Variants in NPAS4 observed in about 807,000 individuals in gnomAD.
The protein encoded by NPAS4 is neuronal PAS domain protein 4.
Under a neutral mutation model 64.0 loss-of-function variants are expected in NPAS4, and 10 were observed. That is an observed-to-expected ratio of 0.16 (90% CI 0.10 to 0.26). The LOEUF (loss-of-function observed/expected upper bound fraction) is 0.26. Ranked by LOEUF, NPAS4 falls within the 10% of genes least tolerant of loss-of-function variation. The pLI is 1.00. For missense variants in NPAS4, 886 were observed against 992.6 expected, an observed-to-expected ratio of 0.89 and a Z score of 1.44; for synonymous variants, 441 against 411.7, an observed-to-expected ratio of 1.07 and a Z score of -0.86.
At chr11:66,422,404 C>T (rs757556367) in intron 2 of NPAS4, 47 bp from the exon 3 acceptor site, 4 of 1,503,968 alleles carry the variant, frequency 2.7e-6, no homozygotes, top group South Asian at 1.1e-5. Flanking sequence ...CAAAGATTGG[C>T]TCCTGCTGTT....
upstream of NPAS4, among the ~76,000 whole-genome samples, chr11:66,418,785 T>C (rs1856697277): frequency 6.6e-6 from 1 of 151,926 alleles, no homozygotes; most frequent in Non-Finnish European, 1.5e-5. Flanking sequence ...AGTCAAAGAG[T>C]AGGCTCACTC....
intron 1 of NPAS4, 99 bp downstream of exon 1, chr11:66,421,453 G>A (rs529777887): frequency 2.1e-5 from 23 of 1,083,432 alleles, no homozygotes; most frequent in Non-Finnish European, 3.2e-5. Context: ...AGGGCAGCGT[G>A]CTGGCGAGCT....
chr11:66,421,350 T>A lies in NPAS4; in HGVS notation c.171T>A (p.Ala57=). The A allele has an allele frequency of 1.2e-6, 2 of 1,613,894 alleles. No individual in the cohort carries two copies. The highest frequency in any genetic ancestry group is 1.7e-6 in the Non-Finnish European group (2 of 1,179,810). Residue 57 remains alanine (A), a synonymous_variant, in exon 1 of 8, where the codon GCT becomes GCA. Transcript: ENST00000311034. ...ACACTCGCAAGGGCGTCTTCTTCGC[T>A]GGTGGTGAGCATGCTGGGGCTACCG... ...CIYTRKGVFF[A]GGTPLAGPTG...
Position 66,424,309 on chromosome 11 carries a change from C to G in NPAS4, c.1419C>G (p.Ser473Arg). The change falls in exon 7 of 8, where the codon AGC (serine) becomes AGG (arginine). Residue 473 changes from serine to arginine, a missense_variant. Ser to Arg is a moderately radical substitution (Grantham distance 110). Transcript: ENST00000311034. ...TATFSDQLTPSSATFPDPLTS... is the reference protein window; with the variant it reads ...TATFSDQLTPRSATFPDPLTS... ...CCTTCTCTGATCAGTTGACGCCCAG[C>G]AGTGCAACCTTCCCAGATCCACTAA... 6.2e-7 allele frequency: 1 copy of G among 1,614,198 alleles called. No homozygotes were observed. Among genetic ancestry groups the G allele is most frequent in the Non-Finnish European group, 8.5e-7 (1 of 1,180,030 alleles).
At chr11:66,411,187 C>G in the NPAS4 span, among the ~76,000 whole-genome samples, 1 of 152,230 alleles carries the variant, frequency 6.6e-6, no homozygotes, top group African/African-American at 2.4e-5. Context: ...TGGGCTCATC[C>G]CTACCTGAAA....
the NPAS4 span, among the ~76,000 whole-genome samples, chr11:66,415,484 G>A: frequency 6.6e-6 from 1 of 152,200 alleles, no homozygotes; most frequent in East Asian, 1.9e-4. Context: ...TTAGTAAAAA[G>A]TGTCAAAAAG....
Position 66,422,844 on chromosome 11 carries a change from C to T in NPAS4, c.601C>T (p.Pro201Ser). The change falls in exon 4 of 8, where the codon CCA (proline) becomes TCA (serine). Residue 201 changes from proline to serine, a missense_variant. Pro to Ser is a moderately conservative substitution (Grantham distance 74). This residue lies in a region of NPAS4 where 820 missense variants were observed against 855.5 expected (regional missense o/e 0.96). Transcript: ENST00000311034. ...FCAPLEPRPRPGPGPGPGPAS... is the reference protein window; with the variant it reads ...FCAPLEPRPRSGPGPGPGPAS... Reference sequence around the variant, plus strand: ...TGCCCCTCTGGAGCCGAGACCCCGCCCAGGTCCTGGCCCTGGCCCTGGCCC... The same window carrying T: ...TGCCCCTCTGGAGCCGAGACCCCGCTCAGGTCCTGGCCCTGGCCCTGGCCC... 1 of 1,613,866 alleles carries T rather than the reference C, an allele frequency of 6.2e-7. No individual in the cohort carries two copies. The highest frequency in any genetic ancestry group is 1.1e-5 in the South Asian group (1 of 91,090).
chr11:66,417,539 C>G (rs1444464806), upstream of NPAS4, among the ~76,000 whole-genome samples: 2 of 151,872 alleles, frequency 1.3e-5, no homozygotes, highest in Non-Finnish European at 2.9e-5. Flanking sequence ...GGTTAGGGGG[C>G]CTTTGGAAAG....
rs541874544 is a variant in NPAS4 at position 66,425,219 on chromosome 11, A to G, written c.2329A>G (p.Thr777Ala). 1 of 1,537,940 alleles carries G rather than the reference A, an allele frequency of 6.5e-7. No homozygotes were observed. The highest frequency in any genetic ancestry group is 1.4e-5 in the African/African-American group (1 of 71,974). ...CTCAGCATTCCCCTATGATGGGTTT[A>G]CTGATGAGTTGCATCAACTCCAGAG... ...GVSAFPYDGF[T>A]DELHQLQSQV... Residue 777 changes from threonine (T) to alanine (A), a missense_variant, in exon 7 of 8, where the codon ACT (threonine) becomes GCT (alanine). This residue lies in a region of NPAS4 where 28 missense variants were observed against 57.0 expected (regional missense o/e 0.49). Coordinates refer to ENST00000311034, the MANE Select transcript of NPAS4 (RefSeq NM_178864.4).
chr11:66,420,814 C>G (rs1263012745), upstream of NPAS4, among the ~76,000 whole-genome samples: 1 of 152,204 alleles, frequency 6.6e-6, no homozygotes, highest in African/African-American at 2.4e-5. Context: ...TTGGCCCCCT[C>G]CGCAGCCTCC....
intron 1 of NPAS4, 63 bp downstream of exon 1, chr11:66,421,417 G>C: frequency 1.3e-6 from 2 of 1,499,954 alleles, no homozygotes; most frequent in Non-Finnish European, 1.8e-6. Flanking sequence ...GGAGCTGAGG[G>C]AACCCGCTGG....
the NPAS4 span, among the ~76,000 whole-genome samples, chr11:66,413,858 G>A: frequency 6.6e-6 from 1 of 152,198 alleles, no homozygotes; most frequent in South Asian, 2.1e-4. Context: ...TGAAGTGGCT[G>A]GATGGACCCC....
chr11:66,423,017 C>A lies in NPAS4; in HGVS notation c.698+76C>A, dbSNP rs1856773234. 6.5e-6 allele frequency: 10 copies of A among 1,547,172 alleles called. No homozygotes were observed. In the South Asian group the frequency reaches 1.2e-4, roughly 18 times the overall value. On this transcript the variant is annotated intron_variant, in intron 4 of 7. Coordinates refer to ENST00000311034, the MANE Select transcript of NPAS4 (RefSeq NM_178864.4). ...GGACCCTAGATTCTGGAGTCAGGGGCAGGGAGGATGGGGTTTAGGGGGGCA... is the reference window on the plus strand; with the variant it reads ...GGACCCTAGATTCTGGAGTCAGGGGAAGGGAGGATGGGGTTTAGGGGGGCA...
chr11:66,420,882 G>C, upstream of NPAS4: 1 of 366,940 alleles, frequency 2.7e-6, no homozygotes, highest in East Asian at 5.0e-5. Flanking sequence ...GATGACGTCG[G>C]AAGCCGGGCG....
chr11:66,422,895 C>G lies in NPAS4; in HGVS notation c.652C>G (p.Gln218Glu), dbSNP rs747971355. 5.6e-6 allele frequency: 9 copies of G among 1,609,532 alleles called. No homozygotes were observed. The highest frequency in any genetic ancestry group is 7.6e-6 in the Non-Finnish European group (9 of 1,180,024). The change falls in exon 4 of 8, where the codon CAG (glutamine) becomes GAG (glutamate). Residue 218 changes from glutamine to glutamate, a missense_variant. Gln to Glu is a conservative substitution (Grantham distance 29). This residue lies in a region of NPAS4 where 820 missense variants were observed against 855.5 expected (regional missense o/e 0.96). Coordinates refer to ENST00000311034, the MANE Select transcript of NPAS4 (RefSeq NM_178864.4). ...TGCCTCGCTCTTCCTGGCCATGTTCCAGAGCCGCCATGCTAAAGACCTGGC... is the reference window on the plus strand; with the variant it reads ...TGCCTCGCTCTTCCTGGCCATGTTCGAGAGCCGCCATGCTAAAGACCTGGC... ...GPASLFLAMF[Q>E]SRHAKDLALL...
intron 4 of NPAS4, 42 bp downstream of exon 4, chr11:66,422,983 G>C (rs778999739): frequency 6.3e-7 from 1 of 1,590,482 alleles, no homozygotes; most frequent in South Asian, 1.1e-5. Flanking sequence ...AGGCAGGCCA[G>C]AGATGAAGGG....
At chr11:66,425,633 A>T (rs1856829143) in intron 7 of NPAS4, among the ~76,000 whole-genome samples, 1 of 152,180 alleles carries the variant, frequency 6.6e-6, no homozygotes, top group Admixed American at 6.5e-5. Context: ...AACTGATGGA[A>T]GAGGGACTAG....
Position 66,424,217 on chromosome 11 carries a change from C to T in NPAS4, c.1327C>T (p.Pro443Ser). 1 of 1,614,044 alleles carries T rather than the reference C, an allele frequency of 6.2e-7. No individual in the cohort carries two copies. The highest frequency in any genetic ancestry group is 1.1e-5 in the South Asian group (1 of 91,068). ...TGCCTTCCTCTTCAGCCTCCATGAG[C>T]CCTTCCAGACCCATTTGCCCACCCC... ...GCAFLFSLHE[P>S]FQTHLPTPSS... The change falls in exon 7 of 8, where the codon CCC (proline) becomes TCC (serine). Residue 443 changes from proline to serine, a missense_variant. Pro to Ser is a moderately conservative substitution (Grantham distance 74). Transcript: ENST00000311034.
intron 5 of NPAS4, 24 bp downstream of exon 5, chr11:66,423,256 A>G (rs1242520356): frequency 6.8e-7 from 1 of 1,469,588 alleles, no homozygotes; most frequent in African/African-American, 1.4e-5. Context: ...GAGGCTGGGG[A>G]CAAGATAGCA....
Sources: allele counts gnomAD v4.1 joint callset (sites outside exome capture counted in the v4.1 genomes callset), GRCh38; gene constraint gnomAD v4.1.1; regional missense constraint gnomAD v4.1.1; transcripts MANE v1.5; gene names NCBI Gene and HGNC (gene_info 2026-07-23, HGNC 2026-07-21).